STK32C: variants seen among roughly 807,000 people sequenced by gnomAD.
STK32C encodes serine/threonine-protein kinase 32C.
Under a neutral mutation model 56.5 loss-of-function variants are expected in STK32C, and 31 were observed. The observed-to-expected ratio is 0.55, with a 90% CI of 0.41 to 0.74. The LOEUF (loss-of-function observed/expected upper bound fraction) is 0.74, where lower values mean the gene tolerates loss of function less well. STK32C is among the 30% of genes least tolerant of loss of function. The pLI, the probability that STK32C is intolerant of heterozygous loss-of-function variation, is 0.00. For synonymous variants in STK32C, 309 were observed against 289.4 expected (o/e 1.07, Z -0.69); for missense variants, 544 against 676.9 (o/e 0.80, Z 2.18).
At chr10:132,272,121 G>A (rs1033619585) in intron 1 of STK32C, among the ~76,000 whole-genome samples, 11 of 152,186 alleles carry the variant, frequency 7.2e-5, no homozygotes, top group African/African-American at 2.2e-4. Context: ...CTGACCCCTC[G>A]TGCCTCCGAG....
At position 132,244,703 on chromosome 10, in the gene STK32C, C is replaced by T. The variant is rs540434613; in HGVS notation, c.318+1197G>A. ...CTCTCCTGAACCTGGTCACAGCTGC[C>T]GTCCTCCGCTGCCAGAGGGGAGCAG... is the stretch of plus-strand genomic sequence containing the variant. On this transcript the variant is annotated intron_variant, in intron 2 of 11. Transcript: ENST00000298630. Among the ~76,000 whole-genome samples, 11 of 152,314 alleles carry T rather than the reference C, an allele frequency of 7.2e-5. No individual in the cohort carries two copies. In the East Asian group the frequency reaches 1.7e-3, roughly 24 times the overall value.
chr10:132,322,293 G>GC (rs1240490153), downstream of STK32C, among the ~76,000 whole-genome samples: 1 of 152,142 alleles, frequency 6.6e-6, no homozygotes, highest in African/African-American at 2.4e-5. Flanking sequence ...TAGGAATGCT[G>GC]CATACTATCT....
Position 132,229,429 on chromosome 10 carries a change from T to A in STK32C, c.319-1301A>T, listed in dbSNP as rs1040990205. ...GGAGGATTGCTTGAGCCTGAGAGGT[T>A]GAGGCTGCAGTGAGCCACGACTGTA... On this transcript the variant is annotated intron_variant, in intron 2 of 11. Coordinates refer to ENST00000298630, the MANE Select transcript of STK32C (RefSeq NM_173575.4). 2.0e-5 allele frequency among the ~76,000 whole-genome samples: 3 copies of A among 152,174 alleles called. No homozygotes were observed. In the East Asian group the frequency reaches 5.8e-4, roughly 29 times the overall value.
chr10:132,227,202 G>T (rs1289788183), intron 3 of STK32C, among the ~76,000 whole-genome samples: 1 of 152,274 alleles, frequency 6.6e-6, no homozygotes, highest in Admixed American at 6.5e-5. Flanking sequence ...GCCCAGCTGG[G>T]GCCAGAGGCA....
rs1324723962 is a variant in STK32C at position 132,255,560 on chromosome 10, C to T, written c.263-9605G>A. ...CAGGGGTGAGGAGGCTCCCGAGTTA[C>T]AGCGGAGAACATAGAGCAGAAGCGT... On this transcript the variant is annotated intron_variant, in intron 1 of 11. Transcript: ENST00000298630. This position sits in a 1 kb window ranked among gnomAD's most constrained non-coding sequence, Gnocchi z 4.6. 1.3e-5 allele frequency among the ~76,000 whole-genome samples: 2 copies of T among 152,196 alleles called. No homozygotes were observed. Among genetic ancestry groups the T allele is most frequent in the Non-Finnish European group, 1.5e-5 (1 of 68,030 alleles).
At chr10:132,233,520 C>T (rs375383868) in intron 2 of STK32C, among the ~76,000 whole-genome samples, 38 of 152,326 alleles carry the variant, frequency 2.5e-4, no homozygotes, top group African/African-American at 7.7e-4. Flanking sequence ...GAAGTTAAGA[C>T]GCCTCACGAG....
chr10:132,286,844 A>T (rs2065419017), intron 1 of STK32C, among the ~76,000 whole-genome samples: 1 of 152,248 alleles, frequency 6.6e-6, no homozygotes, highest in South Asian at 2.1e-4. Context: ...ACCAGAAAAC[A>T]GCAAGGATGT....
In STK32C at chr10:132,279,735, G is replaced by T. The variant is rs77641490; in HGVS notation, c.262+27837C>A. On this transcript the variant is annotated intron_variant, in intron 1 of 11. Transcript: ENST00000298630. ...CACTCCACTCCCTGATCACACCACT[G>T]CACTCCGTGATCACACCACTGCACT... Among the ~76,000 whole-genome samples the T allele has an allele frequency of 1.2e-3, 79 of 66,126 alleles. No individual in the cohort carries two copies. In the Middle Eastern group the frequency reaches 0.024, roughly 20 times the overall value. The allele number at this position is 66,126 out of a possible 152,430, so 43.4% of individuals were successfully genotyped here.
intron 1 of STK32C, among the ~76,000 whole-genome samples, chr10:132,302,405 G>A (rs564203721): frequency 6.6e-6 from 1 of 152,336 alleles, no homozygotes; most frequent in Admixed American, 6.5e-5. Context: ...CCTCACAGCT[G>A]GGAAGGAGAA....
intron 10 of STK32C, chr10:132,209,314 G>A (rs376378341): frequency 1.5e-5 from 11 of 710,020 alleles, no homozygotes; most frequent in Admixed American, 7.8e-5. Flanking sequence ...AGGATGCCAA[G>A]GCCCAGCTCC....
At chr10:132,324,954 G>T (rs1410461097) in intron 1 of STK32C, among the ~76,000 whole-genome samples, 5 of 152,340 alleles carry the variant, frequency 3.3e-5, no homozygotes, top group South Asian at 4.1e-4. Flanking sequence ...TTGGTTGAAA[G>T]AATTATTATC....
chr10:132,309,089 A>C (rs7912585), upstream of STK32C, among the ~76,000 whole-genome samples: 2,192 of 152,130 alleles, frequency 0.014, 44 homozygotes, highest in South Asian at 0.045. Context: ...GATCCCCAAC[A>C]TGGCTCCAAG....
In STK32C at chr10:132,273,632, T is replaced by C. The variant is rs149922621; in HGVS notation, c.263-27677A>G. 2.4e-3 allele frequency among the ~76,000 whole-genome samples: 362 copies of C among 152,274 alleles called. 2 individuals carry two copies. Among genetic ancestry groups the C allele is most frequent in the African/African-American group, 8.5e-3 (352 of 41,552 alleles). ...GGAGTTACTGAATGAGTGGAGTTAC[T>C]GAATGAGTGAAGGAGTTAACAAATG... On this transcript the variant is annotated intron_variant, in intron 1 of 11. Coordinates refer to ENST00000298630, the MANE Select transcript of STK32C (RefSeq NM_173575.4).
At chr10:132,288,152 A>T in intron 1 of STK32C, among the ~76,000 whole-genome samples, 1 of 152,334 alleles carries the variant, frequency 6.6e-6, no homozygotes, top group East Asian at 1.9e-4. Context: ...CATCCAGATT[A>T]TAAAAAGGAG....
chr10:132,265,966 G>C (rs1024629180), intron 1 of STK32C, among the ~76,000 whole-genome samples: 1 of 152,196 alleles, frequency 6.6e-6, no homozygotes, highest in African/African-American at 2.4e-5. Flanking sequence ...TACACTTGCT[G>C]TGCCACCCGG....
At chr10:132,253,467 G>C (rs1200830232) in intron 1 of STK32C, among the ~76,000 whole-genome samples, 26 of 146,894 alleles carry the variant, frequency 1.8e-4, no homozygotes, top group African/African-American at 6.2e-4. Context: ...ACTGGAGGGA[G>C]CTGGAGGGAG....
intron 1 of STK32C, among the ~76,000 whole-genome samples, chr10:132,265,328 A>T (rs2064480413): frequency 6.6e-6 from 1 of 152,144 alleles, no homozygotes; most frequent in Non-Finnish European, 1.5e-5. Context: ...CTTCGATGAC[A>T]GCCCCTGCTC....
chr10:132,231,182 G>A (rs2063087859), intron 2 of STK32C, among the ~76,000 whole-genome samples: 1 of 152,240 alleles, frequency 6.6e-6, no homozygotes, highest in Non-Finnish European at 1.5e-5. Context: ...AGGGACAGAA[G>A]AGCCACCTCG....
chr10:132,313,479 C>T lies in STK32C; in HGVS notation c.301+17957G>A, dbSNP rs1430762492. On this transcript the variant is annotated intron_variant, in intron 1 of 3. Transcript: ENST00000368620. ...ATAGTGAATGGTCAGATGGAGCGTG[C>T]ACCCCTCTCAGCGAGGGAGACGGGA... is the stretch of plus-strand genomic sequence containing the variant. Among the ~76,000 whole-genome samples, 3 of 152,260 alleles carry T rather than the reference C, an allele frequency of 2.0e-5. No individual in the cohort carries two copies. In the East Asian group the frequency reaches 5.8e-4, roughly 29 times the overall value.
Sources: allele counts gnomAD v4.1 joint callset (sites outside exome capture counted in the v4.1 genomes callset), GRCh38; gene constraint gnomAD v4.1.1; non-coding constraint Gnocchi (gnomAD v3.1); transcripts MANE v1.5; gene names NCBI Gene and HGNC (gene_info 2026-07-23, HGNC 2026-07-21).